The following UNC79 variants were observed in gnomAD, a reference collection of about 807,000 sequenced individuals.
UNC79 encodes the protein protein unc-79 homolog.
UNC79 carries 37 observed loss-of-function variants against 283.1 expected under a neutral mutation model. The observed-to-expected ratio is 0.13, with a 90% CI of 0.10 to 0.17. UNC79 has a LOEUF of 0.17. Ranked by LOEUF, UNC79 falls within the 10% of genes least tolerant of loss-of-function variation. The pLI is 1.00. For missense variants in UNC79, 2,272 were observed against 3,211.1 expected, an observed-to-expected ratio of 0.71 and a Z score of 7.07; for synonymous variants, 1,107 against 1,200.2, an observed-to-expected ratio of 0.92 and a Z score of 1.61.
At chr14:93,403,872 C>A (rs1294913478) in intron 1 of UNC79, among the ~76,000 whole-genome samples, 1 of 137,750 alleles carries the variant, frequency 7.3e-6, no homozygotes, top group Non-Finnish European at 1.6e-5. Flanking sequence ...GAGCTAGACT[C>A]TTTTTTTTTT....
chr14:93,608,273 G>T (rs554968023), intron 26 of UNC79, among the ~76,000 whole-genome samples: 16 of 152,332 alleles, frequency 1.1e-4, no homozygotes, highest in South Asian at 6.2e-4. Context: ...TATTAAGTAT[G>T]AACATCAGTA....
At chr14:93,693,997 A>G (rs1172005237) in intron 46 of UNC79, among the ~76,000 whole-genome samples, 3 of 152,138 alleles carry the variant, frequency 2.0e-5, no homozygotes, top group South Asian at 2.1e-4. Flanking sequence ...CTTACACCCA[A>G]AGAGTTCCGT....
intron 25 of UNC79, among the ~76,000 whole-genome samples, chr14:93,601,258 C>T (rs1317814757): frequency 6.9e-6 from 1 of 145,530 alleles, no homozygotes; most frequent in Non-Finnish European, 1.5e-5. Context: ...CCCCCTTCCA[C>T]CCTTCCCCCC....
At chr14:93,472,451 T>C (rs938678057) in intron 2 of UNC79, among the ~76,000 whole-genome samples, 4 of 114,160 alleles carry the variant, frequency 3.5e-5, no homozygotes, top group African/African-American at 1.4e-4. Flanking sequence ...CACAAAAAGG[T>C]AAATTAAATC....
intron 1 of UNC79, among the ~76,000 whole-genome samples, chr14:93,383,116 C>T (rs376634677): frequency 4.6e-5 from 7 of 152,252 alleles, no homozygotes; most frequent in African/African-American, 7.2e-5. Context: ...TCTTGAAAGA[C>T]GTCTTAGAGG....
intron 1 of UNC79, among the ~76,000 whole-genome samples, chr14:93,380,293 T>TA (rs1363307538): frequency 6.6e-6 from 1 of 152,174 alleles, no homozygotes; most frequent in Admixed American, 6.5e-5. Context: ...ATGTTTGTTG[T>TA]AAAAAATGAA....
At chr14:93,707,009 TTC>T, downstream of UNC79, 1 of 1,327,612 alleles carries the variant, frequency 7.5e-7, no homozygotes, top group South Asian at 1.4e-5. Context: ...GTACTGTACA[TTC>T]TCTTTCTAGT....
At chr14:93,438,608 C>T (rs1359156147) in intron 1 of UNC79, among the ~76,000 whole-genome samples, 1 of 151,170 alleles carries the variant, frequency 6.6e-6, no homozygotes, top group Admixed American at 6.6e-5. Flanking sequence ...TCCCATTCAA[C>T]ATTGTTCTTA....
intron 23 of UNC79, among the ~76,000 whole-genome samples, chr14:93,596,440 G>A (rs1220724834): frequency 6.6e-6 from 1 of 152,138 alleles, no homozygotes; most frequent in Admixed American, 6.5e-5. Context: ...TTCGAGACCA[G>A]CCTGGCCAAC....
chr14:93,686,898 T>C (rs941412567), intron 43 of UNC79, among the ~76,000 whole-genome samples: 4 of 152,166 alleles, frequency 2.6e-5, no homozygotes, highest in African/African-American at 9.6e-5. Context: ...TTGCCATATA[T>C]TCACTTCTCA....
chr14:93,497,846 C>T (rs770765376), intron 7 of UNC79, among the ~76,000 whole-genome samples: 4 of 151,830 alleles, frequency 2.6e-5, no homozygotes, highest in African/African-American at 7.3e-5. Flanking sequence ...CTTAGCTGGG[C>T]GTGGTGGTGC....
chr14:93,649,312 A>C lies in UNC79; in HGVS notation c.6083+2666A>C, dbSNP rs147307981. On this transcript the variant is annotated intron_variant, in intron 35 of 48. Coordinates refer to ENST00000555664, the Ensembl canonical transcript of UNC79. Reference sequence around the variant, plus strand: ...GGCTTTTTAAAAAACTTATTTTCTTAACATTTTTTATGGAAGATTTTAAAC... The same window carrying C: ...GGCTTTTTAAAAAACTTATTTTCTTCACATTTTTTATGGAAGATTTTAAAC... Among the ~76,000 whole-genome samples, 989 of 152,258 alleles carry C rather than the reference A, an allele frequency of 6.5e-3. 11 individuals are homozygous for C. The highest frequency in any genetic ancestry group is 0.023 in the African/African-American group (942 of 41,564).
intron 1 of UNC79, among the ~76,000 whole-genome samples, chr14:93,365,329 G>T (rs1467359980): frequency 6.9e-6 from 1 of 144,228 alleles, no homozygotes; most frequent in Non-Finnish European, 1.5e-5. Context: ...AGGTTGGCGT[G>T]AGCCGAGATT....
intron 47 of UNC79, 83 bp from the exon 51 acceptor site, chr14:93,704,542 G>A: frequency 6.9e-7 from 1 of 1,458,680 alleles, no homozygotes; most frequent in Non-Finnish European, 9.6e-7. Context: ...GATTCAATGT[G>A]GCCTGTTTTC....
chr14:93,690,536 G>C lies in UNC79; in HGVS notation c.7272+233G>C, dbSNP rs1358470267. ...CTTACTTTTATAAAGATAAATCATGGAGTCAAGCAAGAGTTGGCTTCCCAG... is the reference window on the plus strand; with the variant it reads ...CTTACTTTTATAAAGATAAATCATGCAGTCAAGCAAGAGTTGGCTTCCCAG... On this transcript the variant is annotated intron_variant, in intron 45 of 48. Coordinates refer to ENST00000555664, the Ensembl canonical transcript of UNC79. The surrounding 1 kb of genome is among the most constrained non-coding windows in gnomAD (Gnocchi z 4.3). 9 of 444,322 alleles carry C rather than the reference G, an allele frequency of 2.0e-5. No homozygotes were observed. Among genetic ancestry groups the C allele is most frequent in the Non-Finnish European group, 3.5e-5 (9 of 257,264 alleles). The allele number at this position is 444,322 out of a possible 1,614,324, so 27.5% of individuals were successfully genotyped here.
At chr14:93,592,366 G>C (rs2064757220) in intron 22 of UNC79, among the ~76,000 whole-genome samples, 1 of 151,920 alleles carries the variant, frequency 6.6e-6, no homozygotes, top group African/African-American at 2.4e-5. Context: ...AGTAGAGACG[G>C]AGTTTCACTG....
rs563670830 is a variant in UNC79, at chr14:93,686,684, A to G, written c.6909+23A>G. 3 of 1,613,356 alleles carry G rather than the reference A, an allele frequency of 1.9e-6. No individual in the cohort carries two copies. In the African/African-American group the frequency reaches 4.0e-5, roughly 22 times the overall value. On this transcript the variant is annotated intron_variant, in intron 43 of 48. Transcript: ENST00000555664. The stretch of plus-strand genomic sequence containing the variant: ...AAGGTGAGATGACCGCCACCTGCTC[A>G]TCCCTCAGGTTCACAAAACAGAGAT...
At chr14:93,357,571 G>A (rs373847015) in intron 1 of UNC79, among the ~76,000 whole-genome samples, 1 of 150,772 alleles carries the variant, frequency 6.6e-6, no homozygotes, top group South Asian at 2.1e-4. Context: ...CAGACTCCAA[G>A]TTCTTTAGCT....
chr14:93,433,137 G>A (rs2055941935), intron 1 of UNC79, among the ~76,000 whole-genome samples: 1 of 152,166 alleles, frequency 6.6e-6, no homozygotes, highest in Non-Finnish European at 1.5e-5. Context: ...GAGACACGGG[G>A]CAATTAACTT....
Sources: allele counts gnomAD v4.1 joint callset (sites outside exome capture counted in the v4.1 genomes callset), GRCh38; gene constraint gnomAD v4.1.1; non-coding constraint Gnocchi (gnomAD v3.1); transcripts MANE v1.5; gene names NCBI Gene and HGNC (gene_info 2026-07-23, HGNC 2026-07-21).